The following PARD3 variants were observed in gnomAD, a reference collection of about 807,000 sequenced individuals.
PARD3 encodes the protein par-3 family cell polarity regulator.
A neutral mutation model predicts 155.4 loss-of-function variants in PARD3; 75 were observed. The ratio of observed to expected loss-of-function variants is 0.48; its 90% confidence interval spans 0.40 to 0.58. PARD3 has a LOEUF of 0.58. PARD3 is among the 20% of genes least tolerant of loss of function. The pLI, the probability that PARD3 is intolerant of heterozygous loss-of-function variation, is 0.00. For synonymous variants in PARD3, 576 were observed against 610.5 expected (o/e 0.94, Z 0.83); for missense variants, 1,642 against 1,721.7 (o/e 0.95, Z 0.82).
At chr10:34,625,855 G>C (rs79185804) in intron 2 of PARD3, among the ~76,000 whole-genome samples, 8 of 150,310 alleles carry the variant, frequency 5.3e-5, no homozygotes, top group Non-Finnish European at 1.2e-4. Context: ...AGATTGAGGT[G>C]AGCCGAGATC....
At chr10:34,778,895 A>G (rs566854344) in intron 1 of PARD3, among the ~76,000 whole-genome samples, 1 of 152,236 alleles carries the variant, frequency 6.6e-6, no homozygotes, top group Non-Finnish European at 1.5e-5. Flanking sequence ...AAGGACTGAC[A>G]AACAGCAGCT....
intron 22 of PARD3, among the ~76,000 whole-genome samples, chr10:34,227,434 G>A (rs957153551): frequency 3.9e-5 from 6 of 152,080 alleles, no homozygotes; most frequent in Admixed American, 1.3e-4. Flanking sequence ...TCAGGAGTTC[G>A]ACACCAGCCT....
At chr10:34,519,748 A>AG (rs1319150001) in intron 2 of PARD3, among the ~76,000 whole-genome samples, 1 of 152,108 alleles carries the variant, frequency 6.6e-6, no homozygotes, top group Non-Finnish European at 1.5e-5. Flanking sequence ...CAGAAGGCGG[A>AG]GGGTGCAGTG....
chr10:34,552,319 GT>G (rs1384941013), intron 2 of PARD3, among the ~76,000 whole-genome samples: 2 of 152,230 alleles, frequency 1.3e-5, no homozygotes, highest in African/African-American at 4.8e-5. Context: ...CCAGGCTGGA[GT>G]TAAACTATGG....
intron 22 of PARD3, among the ~76,000 whole-genome samples, chr10:34,196,726 A>C (rs1950961112): frequency 6.6e-6 from 1 of 151,672 alleles, no homozygotes; most frequent in South Asian, 2.1e-4. Context: ...GGTGCCCGCC[A>C]CCACACTTGG....
At chr10:34,118,026 G>A (rs1946778581) in intron 24 of PARD3, among the ~76,000 whole-genome samples, 1 of 152,118 alleles carries the variant, frequency 6.6e-6, no homozygotes, top group Admixed American at 6.5e-5. Context: ...TGTGTGAGCT[G>A]GGGGAAATTT....
At chr10:34,270,141 T>C (rs940213006) in intron 21 of PARD3, among the ~76,000 whole-genome samples, 1 of 31,630 alleles carries the variant, frequency 3.2e-5, no homozygotes. Flanking sequence ...AATTTAAATC[T>C]TTTTTTTTTT....
chr10:34,613,405 T>C (rs2477015), intron 2 of PARD3, among the ~76,000 whole-genome samples: 78,641 of 152,004 alleles, frequency 0.52, 23,262 homozygotes, highest in African/African-American at 0.83. Context: ...GAAATTGGAG[T>C]TCAACAACAT....
intron 2 of PARD3, among the ~76,000 whole-genome samples, chr10:34,664,867 A>C (rs1247360383): frequency 6.6e-6 from 1 of 152,174 alleles, no homozygotes; most frequent in African/African-American, 2.4e-5. Flanking sequence ...TGTGCCGGAC[A>C]GGTCTTAGCA....
intron 2 of PARD3, among the ~76,000 whole-genome samples, chr10:34,577,220 A>G (rs1209788200): frequency 6.6e-6 from 1 of 152,228 alleles, no homozygotes; most frequent in Non-Finnish European, 1.5e-5. Context: ...ACTCAAGCCT[A>G]CATATGAAGT....
At chr10:34,250,668 TA>T (rs370194034) in intron 22 of PARD3, among the ~76,000 whole-genome samples, 43,642 of 141,052 alleles carry the variant, frequency 0.31, 11,468 homozygotes, top group African/African-American at 0.72. Flanking sequence ...AAGCTGGAAA[TA>T]AAAAAAAAAA....
chr10:34,173,824 C>T (rs1037541423), intron 22 of PARD3, among the ~76,000 whole-genome samples: 4 of 152,138 alleles, frequency 2.6e-5, no homozygotes, highest in Non-Finnish European at 5.9e-5. Flanking sequence ...ATCAGAGCTC[C>T]TGGCTTCATT....
chr10:34,391,639 A>G (rs1192076179), intron 7 of PARD3, among the ~76,000 whole-genome samples: 1 of 152,216 alleles, frequency 6.6e-6, no homozygotes, highest in African/African-American at 2.4e-5. Context: ...GGGGGAAATT[A>G]TTCAAGACAT....
chr10:34,446,933 C>A (rs982407104), intron 5 of PARD3, among the ~76,000 whole-genome samples: 3 of 152,096 alleles, frequency 2.0e-5, no homozygotes, highest in Admixed American at 1.3e-4. Context: ...AATTGAAAAA[C>A]AATTTATTCC....
chr10:34,380,258 C>G (rs998951822), intron 9 of PARD3, among the ~76,000 whole-genome samples: 1 of 152,022 alleles, frequency 6.6e-6, no homozygotes, highest in Non-Finnish European at 1.5e-5. Flanking sequence ...GCAGCATGTG[C>G]TTTTTGTCAT....
intron 20 of PARD3, among the ~76,000 whole-genome samples, chr10:34,310,289 G>A (rs1290106837): frequency 6.6e-6 from 1 of 152,130 alleles, no homozygotes; most frequent in Non-Finnish European, 1.5e-5. Flanking sequence ...ATTTTTCAAT[G>A]GTGCGATAGT....
chr10:34,287,693 C>CAT (rs1364712512), intron 20 of PARD3, among the ~76,000 whole-genome samples: 2 of 152,146 alleles, frequency 1.3e-5, no homozygotes, highest in Non-Finnish European at 2.9e-5. Flanking sequence ...CACATAGTCT[C>CAT]ATATATATAT....
chr10:34,201,994 TTTTA>T (rs1951239169), intron 22 of PARD3: 1 of 152,222 alleles, frequency 6.6e-6, no homozygotes, highest in Admixed American at 6.5e-5. Context: ...GCCAGTCAGA[TTTTA>T]GCAGTGGGGG....
At position 34,523,294 on chromosome 10, in the gene PARD3, C is replaced by G. The variant is rs74132043; in HGVS notation, c.223-6135G>C. Among the ~76,000 whole-genome samples, 5 of 152,190 alleles carry G rather than the reference C, an allele frequency of 3.3e-5. No individual in the cohort carries two copies. The East Asian group carries it at 9.6e-4, about 29-fold the overall frequency. On this transcript the variant is annotated intron_variant, in intron 2 of 24. Coordinates refer to ENST00000374788, the MANE Select transcript of PARD3 (RefSeq NM_001184785.2). ...TGAGAAGCCATTTTAATGTGACACC[C>G]TGTGAGCAATCTCTCACTTTCCATT...
Sources: allele counts gnomAD v4.1 joint callset (sites outside exome capture counted in the v4.1 genomes callset), GRCh38; gene constraint gnomAD v4.1.1; transcripts MANE v1.5; gene names NCBI Gene and HGNC (gene_info 2026-07-23, HGNC 2026-07-21).